ZEB2: variants seen among roughly 807,000 people sequenced by gnomAD.
ZEB2 encodes the protein zinc finger E-box binding homeobox 2, also known as zinc finger E-box-binding homeobox 2.
ZEB2 carries 6 observed loss-of-function variants against 99.9 expected under a neutral mutation model. That is an observed-to-expected ratio of 0.06 (90% CI 0.03 to 0.12). ZEB2 has a LOEUF of 0.12. Among genes scored for constraint, ZEB2 ranks in the 10% least tolerant of loss-of-function variants. The pLI is 1.00. For missense variants in ZEB2, 969 were observed against 1,502.8 expected, an observed-to-expected ratio of 0.64 and a Z score of 5.87; for synonymous variants, 517 against 542.5, an observed-to-expected ratio of 0.95 and a Z score of 0.65.
chr2:144,513,769 G>C lies in ZEB2; in HGVS notation c.73+3509C>G, dbSNP rs1179059091. 2.6e-6 allele frequency: 4 copies of C among 1,536,056 alleles called. No homozygotes were observed. The South Asian group carries it at 4.8e-5, about 18-fold the overall frequency. ...GGCAAGCAGCAGCAGGGCATCTCCC[G>C]CTCCGAGTGCTCATTTCTGACTCCA... On this transcript the variant is annotated intron_variant, in intron 2 of 9. Transcript: ENST00000627532.
intron 2 of ZEB2, chr2:144,512,958 AAGAAAGCT>A: frequency 7.8e-7 from 1 of 1,287,254 alleles, no homozygotes; most frequent in South Asian, 1.2e-5. Context: ...CAACTTTACG[AAGAAAGCT>A]ACTTGCCAAA....
intron 2 of ZEB2, among the ~76,000 whole-genome samples, chr2:144,440,515 ATTTTTTTTTTTTTTTT>A (rs201944188): frequency 1.9e-3 from 63 of 32,764 alleles, no homozygotes; most frequent in African/African-American, 4.6e-3. Flanking sequence ...ATATATATAT[ATTTTTTTTTTTTTTTT>A]TTTTTTTTTT....
intron 2 of ZEB2, among the ~76,000 whole-genome samples, chr2:144,517,046 C>T (rs1371723878): frequency 6.7e-6 from 1 of 149,220 alleles, no homozygotes; most frequent in Non-Finnish European, 1.5e-5. Flanking sequence ...CGGACCCCCG[C>T]GCTCGGACCC....
At chr2:144,404,461 T>A (rs2149879464) in intron 5 of ZEB2, among the ~76,000 whole-genome samples, 1 of 151,836 alleles carries the variant, frequency 6.6e-6, no homozygotes, top group African/African-American at 2.4e-5. Context: ...CACAGATTAC[T>A]CAGGAACTCA....
chr2:144,519,776 G>T (rs561753348), intron 1 of ZEB2, 163 bp downstream of exon 1: 9 of 351,606 alleles, frequency 2.6e-5, no homozygotes, highest in South Asian at 8.8e-5. Context: ...AGAAAAGCTT[G>T]CCATAAAGGA....
intron 2 of ZEB2, among the ~76,000 whole-genome samples, chr2:144,483,650 G>A (rs1448648682): frequency 6.6e-6 from 1 of 152,122 alleles, no homozygotes; most frequent in Admixed American, 6.5e-5. Flanking sequence ...GTTAACTGAA[G>A]GGCCTTGTAT....
chr2:144,493,031 T>G (rs984249162), intron 2 of ZEB2, among the ~76,000 whole-genome samples: 1 of 152,220 alleles, frequency 6.6e-6, no homozygotes, highest in Non-Finnish European at 1.5e-5. Context: ...TGTATTCTTT[T>G]TGGAGGAGAT....
chr2:144,477,451 A>G (rs745396632), intron 2 of ZEB2, among the ~76,000 whole-genome samples: 7 of 152,246 alleles, frequency 4.6e-5, no homozygotes, highest in Non-Finnish European at 7.3e-5. Flanking sequence ...AATCTCTGCC[A>G]GTATAACTCC....
chr2:144,506,128 G>A (rs1208444582), intron 2 of ZEB2, among the ~76,000 whole-genome samples: 1 of 152,036 alleles, frequency 6.6e-6, no homozygotes, highest in Admixed American at 6.6e-5. Flanking sequence ...TGTGGCATAG[G>A]GAACACATTT....
rs1229157858 is a variant in ZEB2, at chr2:144,398,904, T to C, written c.2283A>G (p.Thr761=). The C allele has an allele frequency of 6.2e-7, 1 of 1,614,162 alleles. No homozygotes were observed. The highest frequency in any genetic ancestry group is 8.5e-7 in the Non-Finnish European group (1 of 1,180,018). ...TAATATTGGTAAAATGGGAAGGTTT[T>C]GTTAGCCTGAGAGGAGGATCACAAT... The part of the protein sequence containing the change: ...VTNCDPPLRL[T]KPSHFTNIKP... The change falls in exon 8 of 10, where the codon ACA becomes ACG. Residue 761 remains threonine, a synonymous_variant. Transcript: ENST00000627532.
At chr2:144,482,796 G>T (rs185471113) in intron 2 of ZEB2, among the ~76,000 whole-genome samples, 1 of 149,120 alleles carries the variant, frequency 6.7e-6, no homozygotes, top group African/African-American at 2.5e-5. Flanking sequence ...TACTTTTACA[G>T]TTAGACTCTT....
chr2:144,517,127 G>T (rs946805663), intron 2 of ZEB2, 151 bp downstream of exon 2: 3 of 763,744 alleles, frequency 3.9e-6, no homozygotes, highest in Non-Finnish European at 5.4e-6. Flanking sequence ...CGCGCGCCGG[G>T]CTCCGGCGCC....
At chr2:144,416,813 T>C (rs1409470235) in intron 4 of ZEB2, among the ~76,000 whole-genome samples, 1 of 152,212 alleles carries the variant, frequency 6.6e-6, no homozygotes, top group Non-Finnish European at 1.5e-5. Flanking sequence ...AATTTGCAAT[T>C]TCTTTAAGGC....
chr2:144,452,379 G>GA (rs796140636), intron 2 of ZEB2, among the ~76,000 whole-genome samples: 1 of 149,854 alleles, frequency 6.7e-6, no homozygotes, highest in African/African-American at 2.5e-5. Flanking sequence ...CAAGGAAAAG[G>GA]AAAAAAAAAG....
chr2:144,418,242 G>T (rs1703569613), intron 4 of ZEB2, among the ~76,000 whole-genome samples: 1 of 152,198 alleles, frequency 6.6e-6, no homozygotes, highest in Admixed American at 6.5e-5. Context: ...AATGTCAAAA[G>T]AACTTAAATG....
chr2:144,421,318 G>A (rs1368890478), intron 4 of ZEB2, among the ~76,000 whole-genome samples: 1 of 152,214 alleles, frequency 6.6e-6, no homozygotes, highest in Non-Finnish European at 1.5e-5. Context: ...GGAGCTTGAT[G>A]AGCAAGACTT....
chr2:144,385,035 T>G lies in ZEB2; in HGVS notation c.*4416A>C, dbSNP rs1573703525. On this transcript the variant is annotated 3_prime_UTR_variant, in exon 10 of 10. Coordinates refer to ENST00000627532, the MANE Select transcript of ZEB2 (RefSeq NM_014795.4). ...ATATGTCATAATATTTATTAATATA[T>G]AGAATGATCAGATGAGTCACCTGTG... is the stretch of plus-strand genomic sequence containing the variant. 6.6e-6 allele frequency: 1 copy of G among 152,186 alleles called. No homozygotes were observed. Among genetic ancestry groups the G allele is most frequent in the Admixed American group, 6.5e-5 (1 of 15,274 alleles). The allele number at this position is 152,186 out of a possible 1,614,324, so 9.4% of individuals were successfully genotyped here.
At chr2:144,420,228 T>C (rs947170679) in intron 4 of ZEB2, among the ~76,000 whole-genome samples, 2 of 152,152 alleles carry the variant, frequency 1.3e-5, no homozygotes, top group Non-Finnish European at 2.9e-5. Context: ...TATCGACATA[T>C]ACATTCTGAT....
Position 144,424,880 on chromosome 2 carries a change from AT to A in ZEB2, c.332-14del, listed in dbSNP as rs1244356526. On this transcript the variant is annotated splice_polypyrimidine_tract_variant and intron_variant, in intron 3 of 9. Coordinates refer to ENST00000627532, the MANE Select transcript of ZEB2 (RefSeq NM_014795.4). ...TCCTTCATTTCTTCTGTGGGGGAAA[AT>A]TATCTTTAGCATTTGAGAATTGTAG... The A allele has an allele frequency of 6.2e-7, 1 of 1,613,636 alleles. No homozygotes were observed. Among genetic ancestry groups the A allele is most frequent in the Non-Finnish European group, 8.5e-7 (1 of 1,179,728 alleles).
Sources: allele counts gnomAD v4.1 joint callset (sites outside exome capture counted in the v4.1 genomes callset), GRCh38; gene constraint gnomAD v4.1.1; transcripts MANE v1.5; gene names NCBI Gene and HGNC (gene_info 2026-07-23, HGNC 2026-07-21).